The following SUN3 variants were observed in gnomAD, a reference collection of about 807,000 sequenced individuals.
SUN3 encodes SUN domain-containing protein 3.
Under a neutral mutation model 48.2 loss-of-function variants are expected in SUN3, and 36 were observed. That is an observed-to-expected ratio of 0.75 (90% CI 0.57 to 0.99). The LOEUF (loss-of-function observed/expected upper bound fraction) is 0.99, where lower values mean the gene tolerates loss of function less well. SUN3 is among the 50% of genes least tolerant of loss of function. The pLI, the probability that SUN3 is intolerant of heterozygous loss-of-function variation, is 0.00. For missense variants in SUN3, 419 were observed against 433.1 expected (o/e 0.97, Z 0.29); for synonymous variants, 148 against 147.9 (o/e 1.00, Z 0.00).
At chr7:48,034,496 C>T in the SUN3 span, among the ~76,000 whole-genome samples, 4 of 152,166 alleles carry the variant, frequency 2.6e-5, no homozygotes, top group Non-Finnish European at 4.4e-5. Flanking sequence ...TTGCTGCAGT[C>T]GTTGGAACAA....
At chr7:47,990,243 A>T (rs1789016672) in intron 8 of SUN3, among the ~76,000 whole-genome samples, 5 of 152,122 alleles carry the variant, frequency 3.3e-5, no homozygotes, top group Admixed American at 2.6e-4. Flanking sequence ...ATAGGAGAAA[A>T]CCGCCTTAGG....
In SUN3 at chr7:48,006,156, T is replaced by C; in HGVS notation, c.493-103A>G. ...TTGGACCTAATTTGCAAAATTAGAA[T>C]AGCAGTGAGCCCCTATCAGCTGCAC... On this transcript the variant is annotated intron_variant, in intron 5 of 9. Transcript: ENST00000297325. 7 of 744,830 alleles carry C rather than the reference T, an allele frequency of 9.4e-6. No homozygotes were observed. In the South Asian group the frequency reaches 1.0e-4, roughly 11 times the overall value. 46.1% of individuals were successfully genotyped at this position (744,830 alleles called of 1,614,324 possible).
intron 8 of SUN3, among the ~76,000 whole-genome samples, chr7:47,989,378 T>C (rs547203569): frequency 6.6e-6 from 1 of 152,340 alleles, no homozygotes; most frequent in African/African-American, 2.4e-5. Context: ...CTCTGAAAAG[T>C]AAGCTCCCGT....
At chr7:47,992,403 T>G (rs1158232661) in intron 8 of SUN3, among the ~76,000 whole-genome samples, 1 of 151,990 alleles carries the variant, frequency 6.6e-6, no homozygotes, top group Admixed American at 6.6e-5. Flanking sequence ...GAAAAAAATA[T>G]AGGCTCTAAA....
intron 1 of SUN3, among the ~76,000 whole-genome samples, chr7:48,027,656 G>A (rs768849838): frequency 4.6e-5 from 7 of 152,110 alleles, no homozygotes; most frequent in East Asian, 1.9e-4. Flanking sequence ...AGAGTGGGCC[G>A]CCTAATTCTC....
chr7:47,987,318 G>C lies in SUN3; in HGVS notation c.*12C>G. ...TTCTGGACATGTGGCATGGCCTTCTGTACCAACTCTTCTAGATGTGCTTGC... is the reference window on the plus strand; with the variant it reads ...TTCTGGACATGTGGCATGGCCTTCTCTACCAACTCTTCTAGATGTGCTTGC... On this transcript the variant is annotated 3_prime_UTR_variant, in exon 10 of 10. Transcript: ENST00000297325. 1 of 1,609,044 alleles carries C rather than the reference G, an allele frequency of 6.2e-7. No homozygotes were observed. The highest frequency in any genetic ancestry group is 8.5e-7 in the Non-Finnish European group (1 of 1,177,360).
intron 3 of SUN3, among the ~76,000 whole-genome samples, chr7:48,010,891 C>G (rs1333038029): frequency 4.6e-5 from 7 of 152,180 alleles, no homozygotes; most frequent in Non-Finnish European, 2.9e-5. Context: ...TGAAGGTCCT[C>G]AGGGAGATTC....
At chr7:47,995,200 G>A (rs1233901186) in intron 7 of SUN3, among the ~76,000 whole-genome samples, 3 of 151,418 alleles carry the variant, frequency 2.0e-5, no homozygotes, top group Non-Finnish European at 4.4e-5. Flanking sequence ...TGATGATGAT[G>A]GACATGGGGG....
intron 8 of SUN3, among the ~76,000 whole-genome samples, chr7:47,989,739 G>C (rs1788999230): frequency 6.6e-6 from 1 of 152,176 alleles, no homozygotes; most frequent in Non-Finnish European, 1.5e-5. Context: ...AGGCATAAGA[G>C]ACTCCATTTT....
chr7:47,994,790 A>G (rs1396153821), intron 7 of SUN3, among the ~76,000 whole-genome samples: 1 of 121,786 alleles, frequency 8.2e-6, no homozygotes, highest in Non-Finnish European at 1.8e-5. Flanking sequence ...GATGATGGTG[A>G]CCATTGTGAT....
the SUN3 span, chr7:48,035,627 G>A: frequency 1.5e-6 from 1 of 687,086 alleles, no homozygotes; most frequent in Non-Finnish European, 2.6e-6. The surrounding 1 kb of genome is among the most constrained non-coding windows in gnomAD (Gnocchi z 4.0). Flanking sequence ...CCCGCGGGGA[G>A]CTGGTGAGCC....
intron 4 of SUN3, among the ~76,000 whole-genome samples, chr7:48,008,819 T>C (rs1299772850): frequency 1.4e-5 from 2 of 146,642 alleles, no homozygotes; most frequent in East Asian, 3.8e-4. Context: ...TTCTATCTCC[T>C]TTTTTTCTTT....
rs113605696 is a variant in SUN3 at position 48,017,294 on chromosome 7, C to T, written c.256G>A (p.Ala86Thr). The T allele has an allele frequency of 5.3e-4, 856 of 1,604,944 alleles. 13 individuals are homozygous for T. The African/African-American group carries it at 0.01, about 19-fold the overall frequency. Residue 86 changes from alanine (A) to threonine (T), a missense_variant, in exon 3 of 10, where the codon GCA (alanine) becomes ACA (threonine). Transcript: ENST00000297325. Reference protein sequence around the residue: ...QKSRQLYAIIAEYGSRLYKYQ... With the variant: ...QKSRQLYAIITEYGSRLYKYQ... ...TTATAAAGCCTTGAACCATATTCTG[C>T]AATTATGGCATATAATTGTCTGGAT...
chr7:48,028,845 A>G lies in SUN3; in HGVS notation c.94T>C (p.Ser32Pro). 1 of 1,613,906 alleles carries G rather than the reference A, an allele frequency of 6.2e-7. No individual in the cohort carries two copies. The highest frequency in any genetic ancestry group is 1.1e-5 in the South Asian group (1 of 91,074). ...TTCGCATCAGGATTTTCGTCCTCTG[A>G]TAACAAAGCATTGCCACTGGCGCTA... The part of the protein sequence containing the change: ...SGSASGNALL[S>P]EDENPDANGV... Residue 32 changes from serine to proline, a missense_variant, in exon 1 of 10, where the codon TCA becomes CCA. Coordinates refer to ENST00000297325, the MANE Select transcript of SUN3 (RefSeq NM_001030019.2).
At chr7:48,034,814 C>T in the SUN3 span, among the ~76,000 whole-genome samples, 4 of 152,126 alleles carry the variant, frequency 2.6e-5, no homozygotes, top group East Asian at 5.8e-4. Context: ...GTTCTAAACG[C>T]GATTCCATAT....
At chr7:48,008,278 G>GA (rs35984259) in intron 4 of SUN3, among the ~76,000 whole-genome samples, 2 of 152,044 alleles carry the variant, frequency 1.3e-5, no homozygotes, top group Non-Finnish European at 2.9e-5. Context: ...TTGAATTCGG[G>GA]AAAAAACCAA....
At chr7:48,035,643 G>A in the SUN3 span, 2 of 668,884 alleles carry the variant, frequency 3.0e-6, no homozygotes. This position sits in a 1 kb window ranked among gnomAD's most constrained non-coding sequence, Gnocchi z 4.0. Flanking sequence ...GAGCCTGAGC[G>A]GGCTGGAGGA....
intron 8 of SUN3, among the ~76,000 whole-genome samples, chr7:47,992,830 T>G (rs570242736): frequency 6.6e-6 from 1 of 152,196 alleles, no homozygotes; most frequent in East Asian, 1.9e-4. Flanking sequence ...AAAGTTTTAG[T>G]AATAGGAATG....
intron 4 of SUN3, among the ~76,000 whole-genome samples, chr7:48,008,403 C>T (rs1014901104): frequency 2.6e-5 from 4 of 152,230 alleles, no homozygotes; most frequent in Admixed American, 2.6e-4. Context: ...GTCTCCACTA[C>T]ACTTCCAAAT....
Sources: gnomAD v4.1 joint callset for allele counts (sites outside exome capture counted in the v4.1 genomes callset) on GRCh38, gnomAD v4.1.1 for gene constraint, Gnocchi (gnomAD v3.1) non-coding constraint, MANE v1.5 for transcripts, NCBI Gene and HGNC (gene_info 2026-07-23, HGNC 2026-07-21) for gene names.